PJA2: variants seen among roughly 807,000 people sequenced by gnomAD.
PJA2 encodes praja ring finger ubiquitin ligase 2, also known as E3 ubiquitin-protein ligase Praja-2.
A neutral mutation model predicts 69.3 loss-of-function variants in PJA2; 25 were observed. That is an observed-to-expected ratio of 0.36 (90% CI 0.26 to 0.50). PJA2 has a LOEUF of 0.50. Among genes scored for constraint, PJA2 ranks in the 20% least tolerant of loss-of-function variants. The pLI is 0.96. For missense variants in PJA2, 809 were observed against 830.2 expected (o/e 0.97, Z 0.31); for synonymous variants, 308 against 277.8 (o/e 1.11, Z -1.08).
In PJA2 at chr5:109,381,494, G is replaced by A. The variant is rs1747047320; in HGVS notation, c.232+9C>T. 6.2e-7 allele frequency: 1 copy of A among 1,611,152 alleles called. No homozygotes were observed. The highest frequency in any genetic ancestry group is 8.5e-7 in the Non-Finnish European group (1 of 1,178,164). ...ATTAATAACCTTTAAATAATTAAAT[G>A]TTACACACCTGAGGAATTTTCCTTT... On this transcript the variant is annotated intron_variant, in intron 3 of 9. Coordinates refer to ENST00000361189, the MANE Select transcript of PJA2 (RefSeq NM_014819.5).
At chr5:109,400,277 T>C (rs1186818571) in intron 1 of PJA2, among the ~76,000 whole-genome samples, 1 of 148,544 alleles carries the variant, frequency 6.7e-6, no homozygotes, top group Non-Finnish European at 1.5e-5. Flanking sequence ...GGTGATGGAC[T>C]GAGACTGTCT....
intron 4 of PJA2, among the ~76,000 whole-genome samples, chr5:109,375,580 C>T (rs1332820897): frequency 6.6e-6 from 1 of 152,102 alleles, no homozygotes; most frequent in Non-Finnish European, 1.5e-5. Flanking sequence ...ATGAGTTCTA[C>T]TTTGGCTATT....
intron 1 of PJA2, among the ~76,000 whole-genome samples, chr5:109,404,811 T>C (rs967081287): frequency 1.3e-5 from 2 of 152,304 alleles, no homozygotes; most frequent in African/African-American, 2.4e-5. Context: ...GGAAGGGACA[T>C]AAGCATTCAA....
chr5:109,353,877 TAGATTA>T, intron 7 of PJA2, among the ~76,000 whole-genome samples: 3 of 50,126 alleles, frequency 6.0e-5, no homozygotes, highest in African/African-American at 2.1e-4. Context: ...GAGATATCTA[TAGATTA>T]GATGTCTATG....
At chr5:109,368,838 T>C in intron 4 of PJA2, 92 bp from the exon 5 acceptor site, 1 of 1,316,014 alleles carries the variant, frequency 7.6e-7, no homozygotes, top group Non-Finnish European at 1.0e-6. Context: ...TGGATCTGTG[T>C]CCCCACCAAA....
At chr5:109,371,935 T>C (rs540412571) in intron 4 of PJA2, among the ~76,000 whole-genome samples, 1 of 152,348 alleles carries the variant, frequency 6.6e-6, no homozygotes, top group East Asian at 1.9e-4. Context: ...TATTTAATAG[T>C]TCACTGGGTT....
chr5:109,392,388 C>G (rs1747302287), intron 1 of PJA2, among the ~76,000 whole-genome samples: 1 of 151,916 alleles, frequency 6.6e-6, no homozygotes, highest in Non-Finnish European at 1.5e-5. Flanking sequence ...TGGTGAAACC[C>G]TGTCTCTACT....
chr5:109,349,059 T>C (rs1048479809), intron 7 of PJA2, among the ~76,000 whole-genome samples: 5 of 152,206 alleles, frequency 3.3e-5, no homozygotes, highest in Admixed American at 1.3e-4. Context: ...CTCTTGGAAC[T>C]AGCCATCTGC....
chr5:109,407,550 A>G (rs963443501), intron 1 of PJA2, among the ~76,000 whole-genome samples: 8 of 152,178 alleles, frequency 5.3e-5, no homozygotes, highest in Non-Finnish European at 1.2e-4. Context: ...AGTGCTCAAC[A>G]TTTTATAAGA....
chr5:109,337,449 A>G (rs1053262625), intron 9 of PJA2, 93 bp from the exon 10 acceptor site: 10 of 1,382,874 alleles, frequency 7.2e-6, no homozygotes, highest in Admixed American at 5.8e-5. Flanking sequence ...TTATCCTAAT[A>G]ATAAGACTCT....
At chr5:109,354,482 TTAGATATCTATAATATCA>T (rs1254751884) in intron 7 of PJA2, among the ~76,000 whole-genome samples, 2 of 135,804 alleles carry the variant, frequency 1.5e-5, no homozygotes, top group African/African-American at 5.5e-5. Flanking sequence ...TATCTATAGA[TTAGATATCTATAATATCA>T]TAGATATCTA....
intron 1 of PJA2, among the ~76,000 whole-genome samples, chr5:109,387,569 C>T (rs1255852671): frequency 1.3e-5 from 2 of 152,122 alleles, no homozygotes; most frequent in Non-Finnish European, 2.9e-5. Flanking sequence ...TCAAACAATT[C>T]GGGGTTTTTA....
intron 7 of PJA2, among the ~76,000 whole-genome samples, chr5:109,346,433 G>A (rs911033426): frequency 6.6e-6 from 1 of 152,090 alleles, no homozygotes; most frequent in African/African-American, 2.4e-5. Flanking sequence ...CTGAAAACAG[G>A]GACTAAAACA....
intron 1 of PJA2, among the ~76,000 whole-genome samples, chr5:109,384,473 A>C (rs1747116970): frequency 6.6e-6 from 1 of 152,200 alleles, no homozygotes; most frequent in South Asian, 2.1e-4. Context: ...ACTATTTGAG[A>C]AGTTGCAACC....
intron 1 of PJA2, among the ~76,000 whole-genome samples, chr5:109,398,662 G>A (rs1747472355): frequency 6.7e-6 from 1 of 150,356 alleles, no homozygotes; most frequent in East Asian, 2.0e-4. Flanking sequence ...AGCATTAGGA[G>A]ATATACCTAA....
At chr5:109,378,178 G>A (rs770291539) in intron 4 of PJA2, 26 bp downstream of exon 4, 26 of 1,535,858 alleles carry the variant, frequency 1.7e-5, no homozygotes, top group South Asian at 6.1e-5. Context: ...CTACACAATC[G>A]GAAAAAGTAC....
At chr5:109,360,495 A>T (rs555705794) in intron 6 of PJA2, among the ~76,000 whole-genome samples, 25 of 152,298 alleles carry the variant, frequency 1.6e-4, no homozygotes, top group African/African-American at 6.0e-4. Context: ...GACTTTAGAG[A>T]CAAGAACTGC....
intron 5 of PJA2, among the ~76,000 whole-genome samples, chr5:109,364,496 G>T (rs924903343): frequency 6.7e-6 from 1 of 150,132 alleles, no homozygotes; most frequent in African/African-American, 2.4e-5. Context: ...AGTGGCGGGC[G>T]CCTGTAGTCC....
chr5:109,358,782 C>T (rs114303495), intron 6 of PJA2, among the ~76,000 whole-genome samples: 4,653 of 152,244 alleles, frequency 0.031, 92 homozygotes, highest in Middle Eastern at 0.048. Flanking sequence ...GTTTGCGCCA[C>T]TGCACTCCAG....
Sources: gnomAD v4.1 joint callset for allele counts (sites outside exome capture counted in the v4.1 genomes callset) on GRCh38, gnomAD v4.1.1 for gene constraint, MANE v1.5 for transcripts, NCBI Gene and HGNC (gene_info 2026-07-23, HGNC 2026-07-21) for gene names.